HGSNAT: variants seen among roughly 807,000 people sequenced by gnomAD.
The protein encoded by HGSNAT is heparan-alpha-glucosaminide N-acetyltransferase, also known as transmembrane protein 76.
In HGSNAT, 59 loss-of-function variants were observed where a neutral mutation model predicts 85.2. The observed-to-expected ratio is 0.69, with a 90% confidence interval of 0.56 to 0.86. The LOEUF is 0.86. Among genes scored for constraint, HGSNAT ranks in the 40% least tolerant of loss-of-function variants. HGSNAT has a pLI of 0.00. For missense variants in HGSNAT, 756 were observed against 777.1 expected, an observed-to-expected ratio of 0.97 and a Z score of 0.32; for synonymous variants, 321 against 304.5, an observed-to-expected ratio of 1.05 and a Z score of -0.56.
intron 11 of HGSNAT, among the ~76,000 whole-genome samples, chr8:43,188,992 G>A (rs902775675): frequency 1.3e-5 from 2 of 152,170 alleles, no homozygotes; most frequent in African/African-American, 2.4e-5. Flanking sequence ...CCTTCCCCTG[G>A]AAGCTTCGTC....
In HGSNAT at chr8:43,159,060, C is replaced by T. The variant is rs1298645183; in HGVS notation, c.493+16C>T. 6.2e-7 allele frequency: 1 copy of T among 1,602,098 alleles called. No individual in the cohort carries two copies. The highest frequency in any genetic ancestry group is 8.5e-7 in the Non-Finnish European group (1 of 1,174,520). Reference sequence around the variant, plus strand: ...AGTAACCTTCGTACGTATATGTTCTCTGCTGATTTTCACATTTGCATTTTC... The same window carrying T: ...AGTAACCTTCGTACGTATATGTTCTTTGCTGATTTTCACATTTGCATTTTC... On this transcript the variant is annotated intron_variant, in intron 4 of 17. Coordinates refer to ENST00000379644, the MANE Select transcript of HGSNAT (RefSeq NM_152419.3).
intron 12 of HGSNAT, 149 bp downstream of exon 12, chr8:43,191,744 C>A: frequency 9.8e-7 from 1 of 1,017,654 alleles, no homozygotes; most frequent in Non-Finnish European, 1.4e-6. Context: ...AGGAGATTGG[C>A]ACGTGTCCAG....
intron 17 of HGSNAT, 32 bp from the exon 18 acceptor site, chr8:43,199,356 A>C (rs1300065479): frequency 1.4e-6 from 2 of 1,458,428 alleles, no homozygotes; most frequent in Non-Finnish European, 1.9e-6. Flanking sequence ...ATCTGTGAGA[A>C]ACATGATCTT....
Position 43,170,656 on chromosome 8 carries a change from C to T in HGSNAT, c.705C>T (p.Ala235=), listed in dbSNP as rs1803595435. Residue 235 remains alanine, a synonymous_variant, in exon 7 of 18, where the codon GCC becomes GCT. Coordinates refer to ENST00000379644, the MANE Select transcript of HGSNAT (RefSeq NM_152419.3). The part of the protein sequence containing the change: ...DVQPATWRLS[A]LPPRLRSVDT... The stretch of plus-strand genomic sequence containing the variant: ...AGCCAGCAACGTGGCGTCTATCTGC[C>T]CTGCCGCCCCGCCTCCGCAGCGTGG... The T allele has an allele frequency of 1.2e-6, 2 of 1,608,238 alleles. No homozygotes were observed. The highest frequency in any genetic ancestry group is 2.2e-5 in the East Asian group (1 of 44,718).
intron 14 of HGSNAT, 74 bp downstream of exon 14, chr8:43,193,917 C>T: frequency 1.9e-6 from 3 of 1,584,684 alleles, no homozygotes; most frequent in Non-Finnish European, 2.6e-6. Flanking sequence ...AAAACCATTT[C>T]ATTAAAATAA....
intron 11 of HGSNAT, chr8:43,182,557 C>T (rs1586740827): frequency 2.4e-6 from 1 of 410,476 alleles, no homozygotes. Context: ...GATCCTCCCT[C>T]CTCAGTCTCC....
At chr8:43,196,523 G>A in intron 14 of HGSNAT, 1 of 1,290,368 alleles carries the variant, frequency 7.7e-7, no homozygotes, top group African/African-American at 1.5e-5. Flanking sequence ...GGAAGTAAGA[G>A]CCACGGAGCC....
In HGSNAT at chr8:43,170,641, G is replaced by A. The variant is rs1303093971; in HGVS notation, c.690G>A (p.Thr230=). The A allele has an allele frequency of 1.1e-5, 18 of 1,609,908 alleles. No individual in the cohort carries two copies. The highest frequency in any genetic ancestry group is 1.7e-5 in the Admixed American group (1 of 59,548). ...TCGATGGTGATGTTCAGCCAGCAAC[G>A]TGGCGTCTATCTGCCCTGCCGCCCC... is the stretch of plus-strand genomic sequence containing the variant. The part of the protein sequence containing the change: ...DPLDGDVQPA[T]WRLSALPPRL... The change falls in exon 7 of 18, where the codon ACG becomes ACA. Residue 230 remains threonine, a synonymous_variant. Coordinates refer to ENST00000379644, the MANE Select transcript of HGSNAT (RefSeq NM_152419.3).
chr8:43,193,685 T>G, intron 13 of HGSNAT, 72 bp from the exon 14 acceptor site: 1 of 968,142 alleles, frequency 1.0e-6, no homozygotes, highest in Non-Finnish European at 1.6e-6. Context: ...AGGTTTGTAT[T>G]TGGTCTAGGA....
At chr8:43,189,405 A>G (rs1019147305) in intron 11 of HGSNAT, among the ~76,000 whole-genome samples, 7 of 152,132 alleles carry the variant, frequency 4.6e-5, no homozygotes, top group Non-Finnish European at 1.0e-4. Flanking sequence ...GCAATGAGTA[A>G]GGTTCTGTGG....
intron 10 of HGSNAT, among the ~76,000 whole-genome samples, chr8:43,179,250 C>T (rs1183988704): frequency 6.6e-6 from 1 of 151,516 alleles, no homozygotes; most frequent in African/African-American, 2.4e-5. Flanking sequence ...CTGACCCCCC[C>T]ACCACCCTCC....
intron 2 of HGSNAT, among the ~76,000 whole-genome samples, chr8:43,148,645 C>G (rs1184768584): frequency 6.7e-6 from 1 of 150,006 alleles, no homozygotes; most frequent in Non-Finnish European, 1.5e-5. Context: ...AAAAAATTAC[C>G]CGGGCATGGT....
At chr8:43,157,611 A>G (rs1803131923) in intron 2 of HGSNAT, among the ~76,000 whole-genome samples, 1 of 152,054 alleles carries the variant, frequency 6.6e-6, no homozygotes, top group South Asian at 2.1e-4. Flanking sequence ...CCCCATCTCT[A>G]CCAAAAAGTA....
intron 6 of HGSNAT, among the ~76,000 whole-genome samples, chr8:43,169,781 G>A (rs1803554254): frequency 6.6e-6 from 1 of 152,338 alleles, no homozygotes; most frequent in South Asian, 2.1e-4. Flanking sequence ...CAGACCTCTA[G>A]ATGGGATCTT....
chr8:43,170,633 C>G lies in HGSNAT; in HGVS notation c.682C>G (p.Pro228Ala), dbSNP rs369975831. Residue 228 changes from proline (P) to alanine (A), a missense_variant, in exon 7 of 18, where the codon CCA (proline) becomes GCA (alanine). Transcript: ENST00000379644. Reference sequence around the variant, plus strand: ...AGACCCTCTCGATGGTGATGTTCAGCCAGCAACGTGGCGTCTATCTGCCCT... The same window carrying G: ...AGACCCTCTCGATGGTGATGTTCAGGCAGCAACGTGGCGTCTATCTGCCCT... ...RTDPLDGDVQPATWRLSALPP... is the reference protein window; with the variant it reads ...RTDPLDGDVQAATWRLSALPP... 5.0e-6 allele frequency: 8 copies of G among 1,610,102 alleles called. No individual in the cohort carries two copies. The highest frequency in any genetic ancestry group is 6.8e-6 in the Non-Finnish European group (8 of 1,178,378).
chr8:43,171,566 G>T (rs529447693), intron 7 of HGSNAT, among the ~76,000 whole-genome samples: 1 of 152,294 alleles, frequency 6.6e-6, no homozygotes, highest in South Asian at 2.1e-4. Context: ...GCCAGGGTTT[G>T]ATGGCAGGCA....
Position 43,197,684 on chromosome 8 carries a change from G to C in HGSNAT, c.1555G>C (p.Val519Leu). 1 of 1,612,478 alleles carries C rather than the reference G, an allele frequency of 6.2e-7. No homozygotes were observed. Among genetic ancestry groups the C allele is most frequent in the Admixed American group, 1.7e-5 (1 of 60,008 alleles). ...TTCCCCATTACAGGGGCTCATTTCT[G>C]TTGCTCTGACGAAGGTTTCTGAAAA... is the stretch of plus-strand genomic sequence containing the variant. Reference protein sequence around the residue: ...AWCCILGLISVALTKVSENEG... With the variant: ...AWCCILGLISLALTKVSENEG... The change falls in exon 16 of 18, where the codon GTT (valine) becomes CTT (leucine). Residue 519 changes from valine (V) to leucine (L), a missense_variant. Transcript: ENST00000379644.
chr8:43,173,826 G>A (rs1803717695), intron 9 of HGSNAT, 83 bp downstream of exon 9: 1 of 1,424,026 alleles, frequency 7.0e-7, no homozygotes, highest in Non-Finnish European at 9.7e-7. Context: ...CCTCTCTTCT[G>A]AGACGGGCAT....
At chr8:43,147,479 C>T (rs546548593) in intron 2 of HGSNAT, among the ~76,000 whole-genome samples, 1 of 152,186 alleles carries the variant, frequency 6.6e-6, no homozygotes, top group Non-Finnish European at 1.5e-5. Flanking sequence ...TGCATTTTCT[C>T]TGAAGGTTTT....
Sources: allele counts gnomAD v4.1 joint callset (sites outside exome capture counted in the v4.1 genomes callset), GRCh38; gene constraint gnomAD v4.1.1; transcripts MANE v1.5; gene names NCBI Gene and HGNC (gene_info 2026-07-23, HGNC 2026-07-21).